Variants in ZDHHC7 observed in about 807,000 individuals in gnomAD.
ZDHHC7 encodes the protein zDHHC palmitoyltransferase 7.
A neutral mutation model predicts 34.1 loss-of-function variants in ZDHHC7; 12 were observed. The observed-to-expected ratio is 0.35, with a 90% confidence interval of 0.23 to 0.57. The LOEUF is 0.57. ZDHHC7 is among the 20% of genes least tolerant of loss of function. The pLI is 0.84. For missense variants in ZDHHC7, 388 were observed against 402.7 expected, an observed-to-expected ratio of 0.96 and a Z score of 0.31; for synonymous variants, 185 against 155.4, an observed-to-expected ratio of 1.19 and a Z score of -1.42.
In ZDHHC7 at chr16:84,975,014, T is replaced by G. The variant is rs911163145; in HGVS notation, c.*1329A>C. 1 of 152,636 alleles carries G rather than the reference T, an allele frequency of 6.6e-6. No individual in the cohort carries two copies. Among genetic ancestry groups the G allele is most frequent in the African/African-American group, 2.4e-5 (1 of 41,444 alleles). The allele number at this position is 152,636 out of a possible 1,614,324, so 9.5% of individuals were successfully genotyped here. ...CAAGCATAAAGGAAGACCCTCAGAC[T>G]TTGTCACAGATTGCTTCTTGATGCG... is the stretch of plus-strand genomic sequence containing the variant. On this transcript the variant is annotated 3_prime_UTR_variant, in exon 8 of 8. Transcript: ENST00000313732.
At chr16:85,013,336 G>C (rs2072818543), upstream of ZDHHC7, among the ~76,000 whole-genome samples, 1 of 151,976 alleles carries the variant, frequency 6.6e-6, no homozygotes, top group African/African-American at 2.4e-5. Context: ...TCCACTTCCG[G>C]GGTTTAAGCA....
intron 5 of ZDHHC7, 117 bp from the exon 6 acceptor site, chr16:84,978,122 C>T: frequency 1.5e-6 from 1 of 678,246 alleles, no homozygotes; most frequent in Non-Finnish European, 2.4e-6. Flanking sequence ...ACTGCAACCT[C>T]CGCCTGCCAG....
At chr16:85,024,474 G>A in the ZDHHC7 span, among the ~76,000 whole-genome samples, 29 of 152,068 alleles carry the variant, frequency 1.9e-4, 1 homozygote, top group East Asian at 1.7e-3. Flanking sequence ...CTTGTGATCC[G>A]CCCACCTTGC....
chr16:85,027,547 C>G, the ZDHHC7 span, among the ~76,000 whole-genome samples: 3 of 152,228 alleles, frequency 2.0e-5, no homozygotes, highest in Admixed American at 2.0e-4. Context: ...TCCGAGAACA[C>G]CCAGCCTCTA....
intron 1 of ZDHHC7, among the ~76,000 whole-genome samples, chr16:84,998,125 G>A (rs770157319): frequency 7.9e-5 from 12 of 150,998 alleles, no homozygotes; most frequent in Admixed American, 1.3e-4. Context: ...TTAGCCGGGC[G>A]TGGTGGCGGG....
chr16:85,016,353 A>G (rs2072834112), upstream of ZDHHC7, among the ~76,000 whole-genome samples: 1 of 151,866 alleles, frequency 6.6e-6, no homozygotes, highest in Non-Finnish European at 1.5e-5. Flanking sequence ...CAGTCCTGAA[A>G]TGTTCTTTTA....
At chr16:85,007,796 G>T (rs762031689) in intron 1 of ZDHHC7, among the ~76,000 whole-genome samples, 7 of 152,082 alleles carry the variant, frequency 4.6e-5, no homozygotes, top group Non-Finnish European at 8.8e-5. Context: ...TAGTATACAG[G>T]ATTTTCAAGT....
chr16:84,979,390 A>ATTT, intron 4 of ZDHHC7, 105 bp from the exon 5 acceptor site: 2 of 1,428,992 alleles, frequency 1.4e-6, no homozygotes, highest in Non-Finnish European at 1.9e-6. Context: ...GTATATTCTA[A>ATTT]TACAACATGT....
At chr16:85,022,826 G>C in the ZDHHC7 span, among the ~76,000 whole-genome samples, 2 of 152,294 alleles carry the variant, frequency 1.3e-5, no homozygotes, top group African/African-American at 4.8e-5. Flanking sequence ...ATGAATTGCT[G>C]TTGCTAAACT....
At chr16:85,024,242 T>TG in the ZDHHC7 span, among the ~76,000 whole-genome samples, 1 of 149,656 alleles carries the variant, frequency 6.7e-6, no homozygotes, top group South Asian at 2.1e-4. Flanking sequence ...TTTTTTTTTT[T>TG]TTTTTTTGAG....
At chr16:85,018,922 T>C in the ZDHHC7 span, among the ~76,000 whole-genome samples, 2 of 152,146 alleles carry the variant, frequency 1.3e-5, no homozygotes, top group Non-Finnish European at 2.9e-5. Context: ...AGACTGAAAT[T>C]CCACAACCTG....
At chr16:85,014,733 T>G (rs2072827231), upstream of ZDHHC7, among the ~76,000 whole-genome samples, 1 of 152,212 alleles carries the variant, frequency 6.6e-6, no homozygotes. Context: ...AGAGATTTAT[T>G]CTGATCCACA....
intron 3 of ZDHHC7, 57 bp downstream of exon 3, chr16:84,990,246 AC>A: frequency 6.4e-7 from 1 of 1,570,928 alleles, no homozygotes; most frequent in Non-Finnish European, 8.7e-7. Flanking sequence ...GGTCAGCCAC[AC>A]CCGAGGACAC....
At chr16:84,979,436 AG>A in intron 4 of ZDHHC7, 151 bp from the exon 5 acceptor site, 1 of 1,226,634 alleles carries the variant, frequency 8.2e-7, no homozygotes, top group Non-Finnish European at 1.1e-6. Context: ...TATTCCTTTA[AG>A]GTTTATCATT....
At chr16:85,006,471 T>C (rs1376065899) in intron 1 of ZDHHC7, among the ~76,000 whole-genome samples, 1 of 152,110 alleles carries the variant, frequency 6.6e-6, no homozygotes, top group Non-Finnish European at 1.5e-5. Context: ...CCCGGCACTT[T>C]AGGAGGCTGA....
intron 2 of ZDHHC7, among the ~76,000 whole-genome samples, chr16:84,994,324 C>T (rs985107344): frequency 7.9e-5 from 12 of 152,202 alleles, no homozygotes; most frequent in African/African-American, 1.9e-4. Flanking sequence ...CTTGGTGAAT[C>T]GTTATCTGTG....
intron 3 of ZDHHC7, among the ~76,000 whole-genome samples, chr16:84,986,572 C>T (rs1037060861): frequency 6.6e-6 from 1 of 152,200 alleles, no homozygotes; most frequent in African/African-American, 2.4e-5. Flanking sequence ...TCCTCCCTCC[C>T]AGCCCTCTCA....
chr16:84,993,625 G>A (rs1451236842), intron 2 of ZDHHC7, among the ~76,000 whole-genome samples: 2 of 152,120 alleles, frequency 1.3e-5, no homozygotes, highest in African/African-American at 4.8e-5. Flanking sequence ...CTGGGCAACA[G>A]AGTAAGTAAG....
At chr16:84,979,376 G>C (rs1414928660) in intron 4 of ZDHHC7, 91 bp from the exon 5 acceptor site, 3 of 1,504,308 alleles carry the variant, frequency 2.0e-6, no homozygotes, top group Non-Finnish European at 1.8e-6. Flanking sequence ...AGGAAAATTA[G>C]AATGTATATT....
Sources: gnomAD v4.1 joint callset for allele counts (sites outside exome capture counted in the v4.1 genomes callset) on GRCh38, gnomAD v4.1.1 for gene constraint, MANE v1.5 for transcripts, NCBI Gene and HGNC (gene_info 2026-07-23, HGNC 2026-07-21) for gene names.